The following MTUS2 variants were observed in gnomAD, a reference collection of about 807,000 sequenced individuals.
MTUS2 encodes microtubule associated scaffold protein 2, also known as microtubule-associated tumor suppressor candidate 2.
A neutral mutation model predicts 114.1 loss-of-function variants in MTUS2; 40 were observed. The ratio of observed to expected loss-of-function variants is 0.35; its 90% CI spans 0.27 to 0.46. The LOEUF is 0.46. MTUS2 is among the 20% of genes least tolerant of loss of function. MTUS2 has a pLI of 1.00. For missense variants in MTUS2, 1,679 were observed against 1,705.4 expected, an observed-to-expected ratio of 0.98 and a Z score of 0.27; for synonymous variants, 688 against 672.0, an observed-to-expected ratio of 1.02 and a Z score of -0.37.
chr13:29,104,153 G>T (rs1890553177), intron 5 of MTUS2, among the ~76,000 whole-genome samples: 1 of 152,200 alleles, frequency 6.6e-6, no homozygotes, highest in Non-Finnish European at 1.5e-5. Context: ...GGCTTTCTAA[G>T]TCAGGTGCTC....
intron 6 of MTUS2, chr13:29,307,807 A>G: frequency 1.1e-6 from 1 of 883,858 alleles, no homozygotes; most frequent in East Asian, 2.6e-5. Context: ...CACCAGCCCC[A>G]GTGAGAGCAC....
intron 4 of MTUS2, among the ~76,000 whole-genome samples, chr13:29,097,092 C>T (rs1490303352): frequency 1.3e-5 from 2 of 152,074 alleles, no homozygotes; most frequent in African/African-American, 4.8e-5. Flanking sequence ...ATACTATAGT[C>T]CTTGACTCTA....
intron 5 of MTUS2, among the ~76,000 whole-genome samples, chr13:29,220,246 C>G (rs549952566): frequency 6.6e-6 from 1 of 152,236 alleles, no homozygotes; most frequent in East Asian, 1.9e-4. Flanking sequence ...GATGATCTGG[C>G]CACCTTGGCC....
intron 2 of MTUS2, among the ~76,000 whole-genome samples, chr13:28,984,531 A>G (rs1272852542): frequency 2.6e-5 from 4 of 152,066 alleles, no homozygotes; most frequent in African/African-American, 9.7e-5. Flanking sequence ...CTTGCAGCGC[A>G]CTCTCTGTCA....
intron 9 of MTUS2, among the ~76,000 whole-genome samples, chr13:29,447,948 T>C (rs1713137635): frequency 6.6e-6 from 1 of 152,214 alleles, no homozygotes; most frequent in Non-Finnish European, 1.5e-5. Flanking sequence ...TATTGAATAA[T>C]TGAAGAGCAC....
Position 29,025,826 on chromosome 13 carries a change from C to T in MTUS2, c.1128C>T (p.Gly376=). The part of the protein sequence containing the change: ...SDLHHLGVGR[G]NCEEKRGVNP... ...TCCACCACCTTGGGGTGGGAAGAGG[C>T]AACTGTGAAGAGAAGAGAGGAGTCA... The change falls in exon 3 of 16, where the codon GGC becomes GGT. Residue 376 remains glycine, a synonymous_variant. Transcript: ENST00000612955. 1.2e-6 allele frequency: 2 copies of T among 1,613,824 alleles called. No homozygotes were observed. The highest frequency in any genetic ancestry group is 1.3e-5 in the African/African-American group (1 of 75,036).
At chr13:28,952,010 G>C (rs1407143753) in intron 2 of MTUS2, among the ~76,000 whole-genome samples, 4 of 152,074 alleles carry the variant, frequency 2.6e-5, no homozygotes, top group Non-Finnish European at 4.4e-5. Flanking sequence ...ACCCATCTTT[G>C]TGTGGAAGTG....
At chr13:29,213,655 C>A (rs907837393) in intron 5 of MTUS2, among the ~76,000 whole-genome samples, 2 of 152,126 alleles carry the variant, frequency 1.3e-5, no homozygotes, top group Non-Finnish European at 2.9e-5. Context: ...GCCACTTTGG[C>A]TTTCTCTTAG....
chr13:29,363,113 C>T (rs1238873447), intron 8 of MTUS2, among the ~76,000 whole-genome samples: 3 of 152,206 alleles, frequency 2.0e-5, no homozygotes, highest in Non-Finnish European at 2.9e-5. Context: ...GACGGACTCG[C>T]GCTCCTTAGG....
At chr13:29,429,271 T>G (rs1278353505) in intron 8 of MTUS2, among the ~76,000 whole-genome samples, 1 of 152,252 alleles carries the variant, frequency 6.6e-6, no homozygotes, top group East Asian at 1.9e-4. Flanking sequence ...GAATTTAGAT[T>G]AGTTAGGCAT....
At chr13:28,888,722 C>T (rs1284171529) in intron 2 of MTUS2, among the ~76,000 whole-genome samples, 3 of 152,134 alleles carry the variant, frequency 2.0e-5, no homozygotes, top group Non-Finnish European at 4.4e-5. Context: ...GCGCTCGGCT[C>T]CTCTTGGCAT....
chr13:29,501,992 A>C (rs866129457), intron 15 of MTUS2, among the ~76,000 whole-genome samples: 1 of 152,206 alleles, frequency 6.6e-6, no homozygotes, highest in Non-Finnish European at 1.5e-5. Context: ...TCACATGTAC[A>C]TGCTTATTCT....
intron 8 of MTUS2, among the ~76,000 whole-genome samples, chr13:29,410,727 A>AT (rs1875164719): frequency 6.6e-6 from 1 of 152,214 alleles, no homozygotes; most frequent in Non-Finnish European, 1.5e-5. Flanking sequence ...ATCCAAACTT[A>AT]TAAAAAAATT....
intron 8 of MTUS2, among the ~76,000 whole-genome samples, chr13:29,430,645 C>A (rs1876923754): frequency 1.3e-5 from 2 of 152,148 alleles, no homozygotes; most frequent in Non-Finnish European, 2.9e-5. Context: ...TTCACAGGTG[C>A]TCTTTTAATG....
At chr13:29,038,069 T>G (rs1477154308) in intron 4 of MTUS2, among the ~76,000 whole-genome samples, 1 of 152,226 alleles carries the variant, frequency 6.6e-6, no homozygotes, top group Non-Finnish European at 1.5e-5. Context: ...CAAGGAGTTA[T>G]GATCCTTTGG....
chr13:29,078,796 C>T (rs559073323), intron 4 of MTUS2, among the ~76,000 whole-genome samples: 8 of 152,260 alleles, frequency 5.3e-5, no homozygotes, highest in Non-Finnish European at 1.0e-4. Flanking sequence ...AAAAATATTC[C>T]AGTGTATAGG....
chr13:29,424,463 T>C (rs1876357624), intron 8 of MTUS2, among the ~76,000 whole-genome samples: 1 of 152,086 alleles, frequency 6.6e-6, no homozygotes, highest in African/African-American at 2.4e-5. Flanking sequence ...TATGTTGCAG[T>C]CCCCAGTGAA....
intron 6 of MTUS2, among the ~76,000 whole-genome samples, chr13:29,290,745 C>T (rs923342960): frequency 2.0e-5 from 3 of 152,146 alleles, no homozygotes; most frequent in Admixed American, 2.0e-4. Context: ...CTGTTCAGGG[C>T]TCTTCCCCTT....
chr13:29,450,977 C>A (rs1157463744), intron 9 of MTUS2, among the ~76,000 whole-genome samples: 4 of 152,080 alleles, frequency 2.6e-5, no homozygotes, highest in African/African-American at 9.7e-5. Flanking sequence ...GAGAAATAGA[C>A]AAATCTACAG....
Sources: gnomAD v4.1 joint callset for allele counts (sites outside exome capture counted in the v4.1 genomes callset) on GRCh38, gnomAD v4.1.1 for gene constraint, MANE v1.5 for transcripts, NCBI Gene and HGNC (gene_info 2026-07-23, HGNC 2026-07-21) for gene names.